Variants in ZGRF1 observed in about 807,000 individuals in gnomAD.
ZGRF1 encodes zinc finger GRF-type containing 1.
Under a neutral mutation model 203.5 loss-of-function variants are expected in ZGRF1, and 196 were observed. The ratio of observed to expected loss-of-function variants is 0.96; its 90% CI spans 0.86 to 1.08. The LOEUF (loss-of-function observed/expected upper bound fraction) is 1.08. ZGRF1 is among the 50% of genes least tolerant of loss of function. The probability of loss-of-function intolerance (pLI) is 0.00; values close to 1 mark genes in which losing one functional copy is unlikely to be tolerated. For synonymous variants in ZGRF1, 809 were observed against 841.3 expected (o/e 0.96, Z 0.66); for missense variants, 2,326 against 2,416.3 (o/e 0.96, Z 0.78).
At chr4:112,545,823 T>C (rs1237435379) in intron 24 of ZGRF1, among the ~76,000 whole-genome samples, 2 of 152,250 alleles carry the variant, frequency 1.3e-5, no homozygotes, top group African/African-American at 2.4e-5. Context: ...GGATGAACTC[T>C]AAACACATTA....
chr4:112,549,659 A>C (rs977285043), intron 22 of ZGRF1, among the ~76,000 whole-genome samples: 1 of 152,264 alleles, frequency 6.6e-6, no homozygotes, highest in Non-Finnish European at 1.5e-5. Flanking sequence ...GTCATATAAA[A>C]GTATAGCACA....
intron 23 of ZGRF1, 46 bp downstream of exon 23, chr4:112,548,207 C>CACTT (rs1190717896): frequency 1.3e-6 from 2 of 1,537,780 alleles, no homozygotes; most frequent in South Asian, 2.4e-5. Flanking sequence ...TCCTAAAGTG[C>CACTT]TAGGATTACA....
At chr4:112,630,318 G>A (rs2047366115) in intron 3 of ZGRF1, among the ~76,000 whole-genome samples, 1 of 152,160 alleles carries the variant, frequency 6.6e-6, no homozygotes, top group African/African-American at 2.4e-5. Context: ...AGGAGTTCAA[G>A]ACCAGCCTGA....
At chr4:112,553,653 G>A (rs1161990253) in intron 22 of ZGRF1, among the ~76,000 whole-genome samples, 182 bp downstream of exon 22, 2 of 152,172 alleles carry the variant, frequency 1.3e-5, no homozygotes, top group Non-Finnish European at 2.9e-5. Flanking sequence ...ATGCTTTGAA[G>A]CAAACATAAA....
chr4:112,621,655 A>G (rs1056955945), intron 4 of ZGRF1, among the ~76,000 whole-genome samples: 8 of 147,912 alleles, frequency 5.4e-5, no homozygotes, highest in African/African-American at 9.8e-5. Context: ...CTCCATCTCA[A>G]AAAAAAAAAA....
At position 112,618,494 on chromosome 4, in the gene ZGRF1, A is replaced by G. The variant is rs149110289; in HGVS notation, c.1548T>C (p.Ile516=). The change falls in exon 6 of 28, where the codon ATT becomes ATC. Residue 516 remains isoleucine, a synonymous_variant. Transcript: ENST00000505019. ...GTGTTACATTACTCAGAGATTCATG[A>G]ATACTATTAAGACTTTCATTATCCA... ...SKMDNESLNS[I]HESLSNVTQP... 198 of 1,613,100 alleles carry G rather than the reference A, an allele frequency of 1.2e-4. No individual in the cohort carries two copies. In the African/African-American group the frequency reaches 2.4e-3, roughly 19 times the overall value.
At chr4:112,607,959 A>C (rs1751018398) in intron 8 of ZGRF1, 1 of 152,088 alleles carries the variant, frequency 6.6e-6, no homozygotes, top group South Asian at 2.1e-4. Context: ...AAAAAAAAAG[A>C]GCCATTACAA....
At chr4:112,565,938 T>C (rs905755013) in intron 16 of ZGRF1, among the ~76,000 whole-genome samples, 4 of 152,306 alleles carry the variant, frequency 2.6e-5, no homozygotes, top group Admixed American at 6.5e-5. Context: ...GTCAGTGTGG[T>C]GATTCCTCAG....
Position 112,586,567 on chromosome 4 carries a change from T to TCTGAG in ZGRF1, c.3793_3794insCTCAG (p.Glu1265AlafsTer12). On this transcript the variant is annotated frameshift_variant, in exon 13 of 28. Transcript: ENST00000505019. LOFTEE classifies it high-confidence loss of function. ...TTTCTGCCCACTTGGAAAGCACAGC[T>TCTGAG]CAGAGCCACTTATCTCCTGCAATGG... The TCTGAG allele has an allele frequency of 6.2e-7, 1 of 1,609,938 alleles. No homozygotes were observed. Among genetic ancestry groups the TCTGAG allele is most frequent in the East Asian group, 2.2e-5 (1 of 44,666 alleles).
rs1346327610 is a variant in ZGRF1 at position 112,579,198 on chromosome 4, A to G, written c.4438+2465T>C. Among the ~76,000 whole-genome samples the G allele has an allele frequency of 2.4e-5, 3 of 123,362 alleles. 1 individual carries two copies. The highest frequency in any genetic ancestry group is 8.4e-5 in the African/African-American group (3 of 35,556). 80.9% of individuals were successfully genotyped at this position (123,362 alleles called of 152,430 possible). On this transcript the variant is annotated intron_variant, in intron 16 of 27. Transcript: ENST00000505019. ...CATGATTATCTCAATAGATGCAGAA[A>G]AGGCCTTTGACAAAATTCAACAACC...
intron 18 of ZGRF1, among the ~76,000 whole-genome samples, chr4:112,561,914 T>TTTC (rs1383021357): frequency 6.8e-6 from 1 of 146,036 alleles, no homozygotes; most frequent in Non-Finnish European, 1.5e-5. Context: ...CTTTTCTCTT[T>TTTC]TTTTTTTTTT....
chr4:112,591,658 C>T (rs1748180934), intron 10 of ZGRF1, among the ~76,000 whole-genome samples: 1 of 152,132 alleles, frequency 6.6e-6, no homozygotes, highest in Non-Finnish European at 1.5e-5. Context: ...TTCTTCTGCC[C>T]CAAAACCTTT....
rs745726447 is a variant in ZGRF1, at chr4:112,618,942, G to T, written c.1100C>A (p.Ser367Ter). Residue 367 changes from serine to a stop codon, truncating the protein, a stop_gained, in exon 6 of 28, where the codon TCA (serine) becomes TAA (stop). Transcript: ENST00000505019. LOFTEE classifies it high-confidence loss of function. ...AACGAACTGTATAATTTTTTGTAAT[G>T]AAAGGTCTTTCAAATTAGAATTTAC... is the stretch of plus-strand genomic sequence containing the variant. ...DDVNSNLKDL[S>*]LQKIIQFVET... 3.4e-5 allele frequency: 55 copies of T among 1,613,654 alleles called. 4 individuals carry two copies. The South Asian group carries it at 5.9e-4, about 17-fold the overall frequency.
chr4:112,586,116 C>T (rs1304621069), intron 13 of ZGRF1, among the ~76,000 whole-genome samples: 2 of 151,782 alleles, frequency 1.3e-5, no homozygotes, highest in African/African-American at 4.8e-5. Context: ...TGGTGTGCAC[C>T]TGTGGTTCCA....
chr4:112,601,144 T>A (rs1250915213), intron 10 of ZGRF1, among the ~76,000 whole-genome samples: 1 of 149,590 alleles, frequency 6.7e-6, no homozygotes, highest in African/African-American at 2.5e-5. Flanking sequence ...GGCGTGGTGG[T>A]TCACACCTAT....
chr4:112,605,192 G>A (rs998621518), intron 9 of ZGRF1, among the ~76,000 whole-genome samples: 4 of 150,534 alleles, frequency 2.7e-5, no homozygotes, highest in Middle Eastern at 3.4e-3. Context: ...ACAGAGTTTC[G>A]TTCTGTCACC....
chr4:112,581,624 A>T (rs190849890), intron 16 of ZGRF1, 39 bp downstream of exon 16: 2 of 1,458,190 alleles, frequency 1.4e-6, no homozygotes, highest in South Asian at 1.5e-5. Flanking sequence ...GGAGATAATA[A>T]GGCTAGACTG....
At position 112,620,174 on chromosome 4, in the gene ZGRF1, T is replaced by C. The variant is rs1336117797; in HGVS notation, c.179A>G (p.Asp60Gly). 1 of 1,599,198 alleles carries C rather than the reference T, an allele frequency of 6.3e-7. No individual in the cohort carries two copies. The highest frequency in any genetic ancestry group is 1.3e-5 in the African/African-American group (1 of 74,200). ...LKCLEVKPGDDLESDRYLITV... is the reference protein window; with the variant it reads ...LKCLEVKPGDGLESDRYLITV... The stretch of plus-strand genomic sequence containing the variant: ...GATTAAGTATCGATCACTTTCTAAG[T>C]CATCTCCAGGTTTCACCTGAAAGAA... The change falls in exon 5 of 28, where the codon GAC becomes GGC. Residue 60 changes from aspartate (D) to glycine (G), a missense_variant. Coordinates refer to ENST00000505019, the MANE Select transcript of ZGRF1 (RefSeq NM_018392.5).
intron 10 of ZGRF1, among the ~76,000 whole-genome samples, chr4:112,601,102 C>CAA (rs111982841): frequency 0.022 from 2,644 of 120,458 alleles, 104 homozygotes; most frequent in African/African-American, 0.075. Flanking sequence ...GACTCCATCT[C>CAA]AAAAAAAAAA....
Sources: gnomAD v4.1 joint callset for allele counts (sites outside exome capture counted in the v4.1 genomes callset) on GRCh38, gnomAD v4.1.1 for gene constraint, MANE v1.5 for transcripts, NCBI Gene and HGNC (gene_info 2026-07-23, HGNC 2026-07-21) for gene names.